Variants in PADI2 observed in about 807,000 individuals in gnomAD.
PADI2 encodes the protein peptidyl arginine deiminase 2.
Under a neutral mutation model 81.1 loss-of-function variants are expected in PADI2, and 70 were observed. That is an observed-to-expected ratio of 0.86 (90% CI 0.71 to 1.05). The LOEUF is 1.05. Ranked by LOEUF, PADI2 falls within the 50% of genes least tolerant of loss-of-function variation. PADI2 has a pLI of 0.00. For synonymous variants in PADI2, 338 were observed against 358.0 expected (o/e 0.94, Z 0.63); for missense variants, 853 against 889.9 (o/e 0.96, Z 0.53).
At chr1:17,104,450 T>TTTTTTTTTTTTC (rs1931276363) in intron 2 of PADI2, among the ~76,000 whole-genome samples, 1 of 120,800 alleles carries the variant, frequency 8.3e-6, no homozygotes, top group African/African-American at 3.1e-5. Flanking sequence ...TTTTTTTTTT[T>TTTTTTTTTTTTC]TTGAGACGGA....
Position 17,100,125 on chromosome 1 carries a change from A to G in PADI2, c.349+2862T>C, listed in dbSNP as rs547031742. 7.2e-5 allele frequency among the ~76,000 whole-genome samples: 11 copies of G among 152,324 alleles called. No homozygotes were observed. In the South Asian group the frequency reaches 2.1e-3, roughly 29 times the overall value. On this transcript the variant is annotated intron_variant, in intron 3 of 15. Coordinates refer to ENST00000375486, the MANE Select transcript of PADI2 (RefSeq NM_007365.3). ...ACGGGCTCAAGGGCTCCTGGGGCAG[A>G]TGCTCGAGAAAAGAGAAAACCTAGA...
chr1:17,086,753 T>A lies in PADI2; in HGVS notation c.656-54A>T, dbSNP rs559811148. On this transcript the variant is annotated intron_variant, in intron 6 of 15. Coordinates refer to ENST00000375486, the MANE Select transcript of PADI2 (RefSeq NM_007365.3). The stretch of plus-strand genomic sequence containing the variant: ...CCCACCCGCATCAGAAAGAGGTCGG[T>A]GGGGTGGGATCACCGATGGGGACAA... 8.5e-6 allele frequency: 13 copies of A among 1,521,332 alleles called. No homozygotes were observed. In the African/African-American group the frequency reaches 1.1e-4, roughly 13 times the overall value. 94.2% of individuals were successfully genotyped at this position (1,521,332 alleles called of 1,614,324 possible). A position where few individuals can be genotyped will look rare whatever the true frequency, so the allele number is the denominator to read the frequency against.
intron 11 of PADI2, among the ~76,000 whole-genome samples, chr1:17,078,395 G>A (rs1241021347): frequency 6.6e-6 from 1 of 151,858 alleles, no homozygotes; most frequent in Non-Finnish European, 1.5e-5. Flanking sequence ...ACAGGCGTGA[G>A]CCACCGCACC....
intron 10 of PADI2, among the ~76,000 whole-genome samples, chr1:17,082,146 A>G (rs1446354219): frequency 6.6e-6 from 1 of 152,142 alleles, no homozygotes. Context: ...ACCAAAAACC[A>G]TAGCCTCAAA....
intron 3 of PADI2, among the ~76,000 whole-genome samples, chr1:17,102,101 C>A (rs780956308): frequency 6.6e-5 from 10 of 152,208 alleles, no homozygotes; most frequent in Admixed American, 2.0e-4. Flanking sequence ...ACTCAGCATG[C>A]AGTTGACTCT....
intron 12 of PADI2, 186 bp from the exon 13 acceptor site, chr1:17,075,135 C>T (rs1407683035): frequency 5.8e-6 from 3 of 514,400 alleles, no homozygotes; most frequent in Non-Finnish European, 1.0e-5. Context: ...TTTCCTCTAC[C>T]TCAGCAATGT....
In PADI2 at chr1:17,115,290, C is replaced by T. The variant is rs904784524; in HGVS notation, c.92+3990G>A. Among the ~76,000 whole-genome samples the T allele has an allele frequency of 1.3e-5, 2 of 152,254 alleles. No individual in the cohort carries two copies. The highest frequency in any genetic ancestry group is 2.9e-5 in the Non-Finnish European group (2 of 68,044). On this transcript the variant is annotated intron_variant, in intron 1 of 15. Transcript: ENST00000375486. This position sits in a 1 kb window ranked among gnomAD's most constrained non-coding sequence, Gnocchi z 4.1. ...GGGGAATCCCAGGGAAGGGAATCCT[C>T]CCACCTCCACCTCACAGACGCAGCT...
intron 12 of PADI2, 88 bp downstream of exon 12, chr1:17,075,591 C>T (rs942415727): frequency 3.2e-6 from 4 of 1,242,296 alleles, no homozygotes; most frequent in African/African-American, 3.0e-5. Context: ...TGTCGAGTTC[C>T]TCTAGCTCTT....
rs753054613 is a variant in PADI2 at position 17,082,538 on chromosome 1, A to G, written c.1158+7T>C. On this transcript the variant is annotated splice_region_variant and intron_variant, in intron 10 of 15. Transcript: ENST00000375486. ...GCTCCACCCGCAAGTGGCCCTCAGCATCTTACCAGGAGCTCCTTCACAGGG... is the reference window on the plus strand; with the variant it reads ...GCTCCACCCGCAAGTGGCCCTCAGCGTCTTACCAGGAGCTCCTTCACAGGG... The G allele has an allele frequency of 1.9e-6, 3 of 1,566,118 alleles. No homozygotes were observed. The highest frequency in any genetic ancestry group is 2.2e-5 in the South Asian group (2 of 90,124).
chr1:17,075,299 A>C, intron 12 of PADI2: 1 of 311,234 alleles, frequency 3.2e-6, no homozygotes, highest in Non-Finnish European at 6.0e-6. Flanking sequence ...TGCATAACCT[A>C]TTTCTCTCTA....
At chr1:17,113,898 T>C (rs903782050) in intron 1 of PADI2, among the ~76,000 whole-genome samples, 3 of 152,096 alleles carry the variant, frequency 2.0e-5, no homozygotes, top group Admixed American at 6.6e-5. Context: ...GCCACTGTGC[T>C]CCCATCCCAA....
rs1187240731 is a variant in PADI2, at chr1:17,086,611, C to T, written c.744G>A (p.Leu248=). 1 of 1,613,942 alleles carries T rather than the reference C, an allele frequency of 6.2e-7. No homozygotes were observed. The highest frequency in any genetic ancestry group is 8.5e-7 in the Non-Finnish European group (1 of 1,179,958). ...VVKYTGGSAE[L]LFFVEGLCFP... ...AACAGAGGCCTTCCACGAAGAACAG[C>T]AGCTCCGCGGAGCCACCCGTGTACT... Residue 248 remains leucine, a synonymous_variant, in exon 7 of 16, where the codon CTG becomes CTA. Transcript: ENST00000375486.
Position 17,084,612 on chromosome 1 carries a change from C to A in PADI2, c.925G>T (p.Val309Leu). 1 of 1,582,210 alleles carries A rather than the reference C, an allele frequency of 6.3e-7. No individual in the cohort carries two copies. The highest frequency in any genetic ancestry group is 8.6e-7 in the Non-Finnish European group (1 of 1,163,758). The change falls in exon 8 of 16, where the codon GTG (valine) becomes TTG (leucine). Residue 309 changes from valine to leucine, a missense_variant. By Grantham distance (32) the Val-to-Leu change is conservative. Coordinates refer to ENST00000375486, the MANE Select transcript of PADI2 (RefSeq NM_007365.3). ...GTCACCCCTTACCAGCACACAAACA[C>A]CGACACGGGAGGCAGGATGTTGGGG... ...MTPNILPPVSVFVCCMKDNYL... is the reference protein window; with the variant it reads ...MTPNILPPVSLFVCCMKDNYL...
intron 4 of PADI2, among the ~76,000 whole-genome samples, chr1:17,095,030 C>T (rs546122590): frequency 2.6e-5 from 4 of 152,340 alleles, no homozygotes; most frequent in African/African-American, 9.6e-5. Context: ...CCAGGCTTCT[C>T]ATCAGGCTGT....
chr1:17,076,403 C>T (rs1410951455), intron 11 of PADI2, among the ~76,000 whole-genome samples: 4 of 151,890 alleles, frequency 2.6e-5, no homozygotes, highest in African/African-American at 4.8e-5. Flanking sequence ...TTAGTAGAGA[C>T]AGGGTTTCAC....
rs777550918 is a variant in PADI2, at chr1:17,083,746, G to A, written c.1030C>T (p.Arg344Ter). The A allele has an allele frequency of 1.6e-5, 25 of 1,612,454 alleles. No individual in the cohort carries two copies. Among genetic ancestry groups the A allele is most frequent in the South Asian group, 3.3e-5 (3 of 91,052 alleles). Residue 344 changes from arginine to a stop codon, truncating the protein, a stop_gained, in exon 9 of 16, where the codon CGA (arginine) becomes TGA (stop). Coordinates refer to ENST00000375486, the MANE Select transcript of PADI2 (RefSeq NM_007365.3). LOFTEE classifies it high-confidence loss of function. ...ELKVCFQYLNRGDRWIQDEIE... is the reference protein window; with the variant it reads ...ELKVCFQYLN Reference sequence around the variant, plus strand: ...CTTACCTGGATCCAGCGATCGCCTCGGTTTAGGTACTGGAAGCAGACCTTC... The same window carrying A: ...CTTACCTGGATCCAGCGATCGCCTCAGTTTAGGTACTGGAAGCAGACCTTC...
chr1:17,074,887 C>T lies in PADI2; in HGVS notation c.1518G>A (p.Lys506=), dbSNP rs753436923. ...ACATGATGGCCTCTCCATGGCCGTC[C>T]TTCTGCTTCTCTCGGAAGAGCTTGT... ...ACYKLFREKQ[K]DGHGEAIMFK... The change falls in exon 13 of 16, where the codon AAG becomes AAA. Residue 506 remains lysine (K), a synonymous_variant. Transcript: ENST00000375486. The T allele has an allele frequency of 3.1e-6, 5 of 1,613,038 alleles. No individual in the cohort carries two copies. The highest frequency in any genetic ancestry group is 2.2e-5 in the South Asian group (2 of 90,912).
intron 2 of PADI2, 133 bp downstream of exon 2, chr1:17,104,745 T>C: frequency 1.3e-6 from 1 of 778,566 alleles, no homozygotes; most frequent in Non-Finnish European, 1.9e-6. Context: ...TTTTTGCCTT[T>C]TCAATGTGGT....
intron 6 of PADI2, among the ~76,000 whole-genome samples, chr1:17,087,466 CA>C (rs1481827793): frequency 6.8e-6 from 1 of 147,926 alleles, no homozygotes; most frequent in African/African-American, 2.5e-5. Flanking sequence ...CCATCTCCAT[CA>C]CAGTCTTTTT....
Sources: allele counts gnomAD v4.1 joint callset (sites outside exome capture counted in the v4.1 genomes callset), GRCh38; gene constraint gnomAD v4.1.1; non-coding constraint Gnocchi (gnomAD v3.1); transcripts MANE v1.5; gene names NCBI Gene and HGNC (gene_info 2026-07-23, HGNC 2026-07-21).